Variants in RABL3 observed in about 807,000 individuals in gnomAD.
RABL3 encodes the protein rab-like protein 3.
RABL3 carries 31 observed loss-of-function variants against 31.8 expected under a neutral mutation model. The observed-to-expected ratio is 0.97, with a 90% CI of 0.73 to 1.31. The LOEUF is 1.31. RABL3 is among the 40% of genes most tolerant of loss of function. The pLI is 0.00. For synonymous variants in RABL3, 97 were observed against 99.9 expected, an observed-to-expected ratio of 0.97 and a Z score of 0.18; for missense variants, 263 against 279.6, an observed-to-expected ratio of 0.94 and a Z score of 0.42.
chr3:120,734,699 T>C (rs1223187683), intron 1 of RABL3, among the ~76,000 whole-genome samples: 1 of 152,214 alleles, frequency 6.6e-6, no homozygotes, highest in African/African-American at 2.4e-5. Flanking sequence ...ATAGCTCTTA[T>C]TATTTTGAGA....
intron 3 of RABL3, among the ~76,000 whole-genome samples, chr3:120,708,210 G>A (rs1708573242): frequency 6.6e-6 from 1 of 151,468 alleles, no homozygotes; most frequent in Non-Finnish European, 1.5e-5. Context: ...TTCAATAAAT[G>A]CAGTTTTTTT....
intron 2 of RABL3, among the ~76,000 whole-genome samples, chr3:120,717,068 C>T (rs1339314286): frequency 6.6e-6 from 1 of 152,088 alleles, no homozygotes; most frequent in African/African-American, 2.4e-5. Flanking sequence ...GCCTGGCCAA[C>T]ATTGTGAAAC....
At chr3:120,731,232 C>T (rs902153316) in intron 1 of RABL3, among the ~76,000 whole-genome samples, 1 of 152,190 alleles carries the variant, frequency 6.6e-6, no homozygotes, top group African/African-American at 2.4e-5. Context: ...GAAGTAATCC[C>T]TCTCTCCTGC....
intron 2 of RABL3, among the ~76,000 whole-genome samples, chr3:120,719,522 G>T (rs1166282749): frequency 2.6e-5 from 4 of 152,236 alleles, no homozygotes; most frequent in African/African-American, 9.6e-5. Flanking sequence ...TTTTCCAACG[G>T]TCTTAGCAAA....
intron 4 of RABL3, among the ~76,000 whole-genome samples, chr3:120,705,420 C>T (rs1370017176): frequency 1.3e-5 from 2 of 152,078 alleles, no homozygotes; most frequent in South Asian, 2.1e-4. Context: ...ATTAAGACAG[C>T]GTAGTACTGG....
At chr3:120,742,430 C>G (rs781259451) in intron 1 of RABL3, 32 bp downstream of exon 1, 4 of 1,610,124 alleles carry the variant, frequency 2.5e-6, no homozygotes, top group African/African-American at 1.3e-5. Flanking sequence ...TCAAAAGTGT[C>G]TGGAGCCCCA....
chr3:120,742,477 C>G lies in RABL3; in HGVS notation c.31G>C (p.Val11Leu). Reference protein sequence around the residue: MASLDRVKVLVLGDSGVGKSS... With the variant: MASLDRVKVLLLGDSGVGKSS... ...AGCCGCTCACCTGAGTCTCCCAACACCAGTACCTTCACCCGATCCAGGGAC... is the reference window on the plus strand; with the variant it reads ...AGCCGCTCACCTGAGTCTCCCAACAGCAGTACCTTCACCCGATCCAGGGAC... Residue 11 changes from valine to leucine, a missense_variant, in exon 1 of 8, where the codon GTG becomes CTG. Transcript: ENST00000273375. 6.2e-6 allele frequency: 10 copies of G among 1,614,210 alleles called. No homozygotes were observed. Among genetic ancestry groups the G allele is most frequent in the Non-Finnish European group, 8.5e-6 (10 of 1,180,026 alleles).
chr3:120,735,441 C>T (rs1576349039), intron 1 of RABL3, among the ~76,000 whole-genome samples: 1 of 98,088 alleles, frequency 1.0e-5, no homozygotes, highest in African/African-American at 2.9e-5. Context: ...GTCTTGTCTT[C>T]TTTATTAGTC....
At position 120,706,085 on chromosome 3, in the gene RABL3, T is replaced by G; in HGVS notation, c.298A>C (p.Lys100Gln). The G allele has an allele frequency of 6.2e-7, 1 of 1,613,132 alleles. No individual in the cohort carries two copies. The change falls in exon 4 of 8, where the codon AAG becomes CAG. Residue 100 changes from lysine to glutamine, a missense_variant. Transcript: ENST00000273375. ...CGACGCAAGTTTTGGGAGGACTTCTTATTTGTTAAGTCGTGTACGAAAATA... is the reference window on the plus strand; with the variant it reads ...CGACGCAAGTTTTGGGAGGACTTCTGATTTGTTAAGTCGTGTACGAAAATA... The part of the protein sequence containing the change: ...GIIFVHDLTN[K>Q]KSSQNLRRWS...
intron 6 of RABL3, among the ~76,000 whole-genome samples, chr3:120,691,957 A>T (rs1229094091): frequency 6.6e-6 from 1 of 152,188 alleles, no homozygotes; most frequent in Non-Finnish European, 1.5e-5. Context: ...TGGAGACTAT[A>T]GCTGGATTAT....
At position 120,698,448 on chromosome 3, in the gene RABL3, T is replaced by A. The variant is rs144490714; in HGVS notation, c.509A>T (p.Asp170Val). 46 of 1,613,650 alleles carry A rather than the reference T, an allele frequency of 2.9e-5. No individual in the cohort carries two copies. In the African/African-American group the frequency reaches 5.3e-4, roughly 19 times the overall value. The change falls in exon 5 of 8, where the codon GAT becomes GTT. Residue 170 changes from aspartate to valine, a missense_variant. Asp to Val is a radical substitution (Grantham distance 152). Transcript: ENST00000273375. ...CAAATTAATTTCTTCTGGATTGAAA[T>A]CCTCAGCCAGGAAAGCAGTCCTAGT... The part of the protein sequence containing the change: ...VLTRTAFLAE[D>V]FNPEEINLDC...
At chr3:120,708,327 T>C (rs531139920) in intron 3 of RABL3, among the ~76,000 whole-genome samples, 1 of 152,114 alleles carries the variant, frequency 6.6e-6, no homozygotes, top group South Asian at 2.1e-4. Context: ...CACTAATGAA[T>C]AGTAGGTACA....
intron 5 of RABL3, among the ~76,000 whole-genome samples, chr3:120,695,861 AC>A (rs751241617): frequency 1.3e-5 from 2 of 152,304 alleles, no homozygotes; most frequent in East Asian, 1.9e-4. Context: ...AAACAAAAAA[AC>A]ACCCCCAAAA....
intron 4 of RABL3, among the ~76,000 whole-genome samples, chr3:120,703,289 A>G (rs4676824): frequency 0.94 from 142,720 of 152,190 alleles, 67,116 homozygotes; most frequent in East Asian, 0.98. Context: ...CAATAGCAAA[A>G]AATAACTGGA....
intron 5 of RABL3, among the ~76,000 whole-genome samples, chr3:120,697,790 T>C (rs1191343898): frequency 6.6e-6 from 1 of 152,222 alleles, no homozygotes; most frequent in Non-Finnish European, 1.5e-5. Context: ...AGAGGCTTTT[T>C]AAAAGCAAGA....
chr3:120,696,470 C>A (rs188967387), intron 5 of RABL3, among the ~76,000 whole-genome samples: 2 of 151,968 alleles, frequency 1.3e-5, no homozygotes, highest in South Asian at 4.1e-4. Context: ...CTGATAAAGG[C>A]CAAAAACATG....
chr3:120,702,027 T>C (rs1003830719), intron 4 of RABL3, among the ~76,000 whole-genome samples: 1 of 152,134 alleles, frequency 6.6e-6, no homozygotes, highest in East Asian at 1.9e-4. Flanking sequence ...AACCCAAAAG[T>C]GTGAACAGAA....
At chr3:120,697,742 G>A (rs999903668) in intron 5 of RABL3, among the ~76,000 whole-genome samples, 2 of 152,122 alleles carry the variant, frequency 1.3e-5, no homozygotes, top group East Asian at 1.9e-4. Context: ...TATTTGTTAC[G>A]TTGCCCTTTA....
chr3:120,720,976 C>G (rs1263010745), intron 2 of RABL3, among the ~76,000 whole-genome samples: 1 of 152,222 alleles, frequency 6.6e-6, no homozygotes, highest in African/African-American at 2.4e-5. Flanking sequence ...ATCAGACTAA[C>G]AGCTGATCTC....
Sources: gnomAD v4.1 joint callset for allele counts (sites outside exome capture counted in the v4.1 genomes callset) on GRCh38, gnomAD v4.1.1 for gene constraint, MANE v1.5 for transcripts, NCBI Gene and HGNC (gene_info 2026-07-23, HGNC 2026-07-21) for gene names.